The following SLC30A5 variants were observed in gnomAD, a reference collection of about 807,000 sequenced individuals.
The protein encoded by SLC30A5 is proton-coupled zinc antiporter SLC30A5.
SLC30A5 carries 33 observed loss-of-function variants against 79.6 expected under a neutral mutation model. The observed-to-expected ratio is 0.41, with a 90% CI of 0.31 to 0.55. SLC30A5 has a LOEUF of 0.55. SLC30A5 is among the 20% of genes least tolerant of loss of function. SLC30A5 has a pLI of 0.20. For synonymous variants in SLC30A5, 299 were observed against 319.7 expected, an observed-to-expected ratio of 0.94 and a Z score of 0.69; for missense variants, 788 against 928.1, an observed-to-expected ratio of 0.85 and a Z score of 1.96.
intron 2 of SLC30A5, chr5:69,102,826 A>G (rs1250706794): frequency 8.9e-6 from 2 of 225,200 alleles, no homozygotes; most frequent in Non-Finnish European, 1.7e-5. Context: ...GTGCCACTGC[A>G]CTCCAGCCTG....
chr5:69,117,128 TA>T, intron 10 of SLC30A5, 110 bp from the exon 11 acceptor site: 1 of 819,912 alleles, frequency 1.2e-6, no homozygotes, highest in Non-Finnish European at 1.9e-6. Flanking sequence ...GTTAAATAAC[TA>T]AACAATTATA....
At chr5:69,109,917 G>A (rs1329742390) in intron 5 of SLC30A5, among the ~76,000 whole-genome samples, 1 of 152,182 alleles carries the variant, frequency 6.6e-6, no homozygotes, top group Non-Finnish European at 1.5e-5. Context: ...GGAGGGTGCT[G>A]TAAAGAGTCA....
intron 14 of SLC30A5, among the ~76,000 whole-genome samples, chr5:69,124,112 C>A (rs936403264): frequency 0.012 from 1,111 of 94,162 alleles, no homozygotes; most frequent in South Asian, 0.014. Context: ...GACTCCACCT[C>A]AAAAAAAAAA....
chr5:69,129,551 T>C lies in SLC30A5; in HGVS notation c.2232T>C (p.Asp744=), dbSNP rs778157623. Residue 744 remains aspartate (D), a synonymous_variant, in exon 16 of 16, where the codon GAT becomes GAC. Transcript: ENST00000396591. The part of the protein sequence containing the change: ...HMSGLSTGFH[D]VLAMTKQMES... Reference sequence around the variant, plus strand: ...CTGGCCTAAGTACTGGATTTCATGATGTTCTGGCTATGACAAAACAAATGG... The same window carrying C: ...CTGGCCTAAGTACTGGATTTCATGACGTTCTGGCTATGACAAAACAAATGG... The C allele has an allele frequency of 1.2e-6, 2 of 1,613,546 alleles. No homozygotes were observed. Among genetic ancestry groups the C allele is most frequent in the South Asian group, 1.1e-5 (1 of 91,022 alleles).
rs528943501 is a variant in SLC30A5 at position 69,122,989 on chromosome 5, C to T, written c.1772-210C>T. Among the ~76,000 whole-genome samples, 14 of 152,228 alleles carry T rather than the reference C, an allele frequency of 9.2e-5. No individual in the cohort carries two copies. In the South Asian group the frequency reaches 1.4e-3, roughly 16 times the overall value. The stretch of plus-strand genomic sequence containing the variant: ...ACAAAGTACACCATAAAATTTGGCA[C>T]GCTGTGTCATGAGTGCCTATGTCCT... On this transcript the variant is annotated intron_variant, in intron 13 of 15. Coordinates refer to ENST00000396591, the MANE Select transcript of SLC30A5 (RefSeq NM_022902.5).
At position 69,095,191 on chromosome 5, in the gene SLC30A5, C is replaced by G. The variant is rs566844027; in HGVS notation, c.83+853C>G. ...TAGAACTGTAGTAATAGCATTATAACGTAACTTTTTTTTTTTTTTTTTTTT... is the reference window on the plus strand; with the variant it reads ...TAGAACTGTAGTAATAGCATTATAAGGTAACTTTTTTTTTTTTTTTTTTTT... On this transcript the variant is annotated intron_variant, in intron 1 of 15. Transcript: ENST00000396591. Among the ~76,000 whole-genome samples, 50 of 142,552 alleles carry G rather than the reference C, an allele frequency of 3.5e-4. No homozygotes were observed. In the South Asian group the frequency reaches 0.01, roughly 29 times the overall value. The allele number at this position is 142,552 out of a possible 152,430, so 93.5% of individuals were successfully genotyped here.
intron 1 of SLC30A5, 34 bp downstream of exon 1, chr5:69,094,372 G>A (rs1745656387): frequency 1.6e-6 from 2 of 1,243,844 alleles, no homozygotes; most frequent in Admixed American, 4.2e-5. Context: ...GCGACCGGCC[G>A]GGTCGCTCAG....
At position 69,115,310 on chromosome 5, in the gene SLC30A5, T is replaced by TCGACGTTGGTGGAGCTAAA; in HGVS notation, c.689_707dup (p.Leu237ArgfsTer5). The stretch of plus-strand genomic sequence containing the variant: ...CATACAGCTTCCAGAAAGCTCTCTG[T>TCGACGTTGGTGGAGCTAAA]CGACGTTGGTGGAGCTAAACGTCTT... On this transcript the variant is annotated frameshift_variant, in exon 8 of 16. Coordinates refer to ENST00000396591, the MANE Select transcript of SLC30A5 (RefSeq NM_022902.5). LOFTEE classifies it high-confidence loss of function. 1 of 1,614,132 alleles carries TCGACGTTGGTGGAGCTAAA rather than the reference T, an allele frequency of 6.2e-7. No individual in the cohort carries two copies. Among genetic ancestry groups the TCGACGTTGGTGGAGCTAAA allele is most frequent in the Non-Finnish European group, 8.5e-7 (1 of 1,179,976 alleles).
rs1176903531 is a variant in SLC30A5, at chr5:69,116,072, T to C, written c.930T>C (p.Phe310=). The change falls in exon 9 of 16, where the codon TTT becomes TTC. Residue 310 remains phenylalanine (F), a synonymous_variant. Coordinates refer to ENST00000396591, the MANE Select transcript of SLC30A5 (RefSeq NM_022902.5). This position sits in a 1 kb window ranked among gnomAD's most constrained non-coding sequence, Gnocchi z 4.0. ...KCARYGSFPI[F]ISALLFGNFW... is the part of the protein sequence containing the mutation. Reference sequence around the variant, plus strand: ...CTCGTTATGGATCCTTTCCCATTTTTATTAGTGCTCTCCTTTTTGGAAATT... The same window carrying C: ...CTCGTTATGGATCCTTTCCCATTTTCATTAGTGCTCTCCTTTTTGGAAATT... 3.7e-6 allele frequency: 6 copies of C among 1,614,108 alleles called. No individual in the cohort carries two copies. In the African/African-American group the frequency reaches 6.7e-5, roughly 18 times the overall value.
intron 1 of SLC30A5, among the ~76,000 whole-genome samples, chr5:69,096,108 C>T (rs1745722834): frequency 6.6e-6 from 1 of 152,112 alleles, no homozygotes; most frequent in Admixed American, 6.5e-5. Flanking sequence ...AAGTAGACAG[C>T]TCTGCTGGTT....
intron 2 of SLC30A5, among the ~76,000 whole-genome samples, chr5:69,102,421 C>T (rs1441261273): frequency 6.6e-6 from 1 of 151,974 alleles, no homozygotes; most frequent in African/African-American, 2.4e-5. Flanking sequence ...TTAGTAATTT[C>T]TTCATTTTCA....
At chr5:69,120,922 G>T (rs551837542) in intron 12 of SLC30A5, among the ~76,000 whole-genome samples, 152 of 152,250 alleles carry the variant, frequency 1.0e-3, no homozygotes, top group African/African-American at 3.5e-3. Context: ...GATAATCAAG[G>T]ATAAGTAACT....
chr5:69,127,725 A>C (rs1434997942), intron 14 of SLC30A5, among the ~76,000 whole-genome samples: 1 of 152,152 alleles, frequency 6.6e-6, no homozygotes, highest in Non-Finnish European at 1.5e-5. Context: ...CATCATTCCT[A>C]GGTGAGATTT....
At chr5:69,115,520 G>T in intron 8 of SLC30A5, 113 bp downstream of exon 8, 4 of 850,646 alleles carry the variant, frequency 4.7e-6, no homozygotes, top group South Asian at 2.5e-5. Flanking sequence ...GTTGAAAGTG[G>T]CTTAAATTGT....
intron 3 of SLC30A5, chr5:69,104,046 GA>G: frequency 6.4e-7 from 1 of 1,561,202 alleles, no homozygotes; most frequent in Non-Finnish European, 8.7e-7. Context: ...GGGAAACTGA[GA>G]AATCATAAAA....
At chr5:69,094,494 C>T (rs1299295164) in intron 1 of SLC30A5, among the ~76,000 whole-genome samples, 156 bp downstream of exon 1, 1 of 152,060 alleles carries the variant, frequency 6.6e-6, no homozygotes, top group African/African-American at 2.4e-5. Flanking sequence ...CCTCCGGGCT[C>T]CCCGGGCTCT....
chr5:69,111,595 C>T (rs183556759), intron 5 of SLC30A5, among the ~76,000 whole-genome samples: 3 of 152,208 alleles, frequency 2.0e-5, no homozygotes, highest in Admixed American at 6.5e-5. Context: ...TGAGCCACCA[C>T]GCCTGGCCTT....
At chr5:69,109,612 T>C (rs747603476) in intron 5 of SLC30A5, among the ~76,000 whole-genome samples, 1 of 152,178 alleles carries the variant, frequency 6.6e-6, no homozygotes, top group Non-Finnish European at 1.5e-5. Flanking sequence ...CTGTAAATCA[T>C]TTTTGAAAAA....
chr5:69,105,373 A>T (rs894279492), intron 4 of SLC30A5, among the ~76,000 whole-genome samples: 1 of 152,208 alleles, frequency 6.6e-6, no homozygotes, highest in African/African-American at 2.4e-5. Context: ...AAGTGTAAGA[A>T]AAAATGCCTT....
Sources: gnomAD v4.1 joint callset for allele counts (sites outside exome capture counted in the v4.1 genomes callset) on GRCh38, gnomAD v4.1.1 for gene constraint, Gnocchi (gnomAD v3.1) non-coding constraint, MANE v1.5 for transcripts, NCBI Gene and HGNC (gene_info 2026-07-23, HGNC 2026-07-21) for gene names.